LPCAT2: variants seen among roughly 807,000 people sequenced by gnomAD.
LPCAT2 encodes the protein lysophosphatidylcholine acyltransferase 2, also known as 1-AGP acyltransferase 11.
Under a neutral mutation model 64.7 loss-of-function variants are expected in LPCAT2, and 58 were observed. That is an observed-to-expected ratio of 0.90 (90% CI 0.73 to 1.12). LPCAT2 has a LOEUF of 1.12. LPCAT2 is among the 50% of genes most tolerant of loss of function. The pLI is 0.00. For synonymous variants in LPCAT2, 252 were observed against 245.3 expected (o/e 1.03, Z -0.26); for missense variants, 579 against 669.8 (o/e 0.86, Z 1.50).
chr16:55,577,803 G>A (rs1386444612), intron 12 of LPCAT2, among the ~76,000 whole-genome samples: 3 of 151,792 alleles, frequency 2.0e-5, no homozygotes, highest in Non-Finnish European at 2.9e-5. Context: ...ATACTACCCC[G>A]ATTATCTCTT....
chr16:55,541,621 T>G (rs1963397601), intron 8 of LPCAT2: 1 of 214,408 alleles, frequency 4.7e-6, no homozygotes, highest in Non-Finnish European at 9.5e-6. Context: ...AATAGAGAAA[T>G]AAAAAGGGTA....
rs1963937303 is a variant in LPCAT2 at position 55,585,701 on chromosome 16, T to C, written c.*2603T>C. 6.6e-6 allele frequency: 1 copy of C among 152,198 alleles called. No individual in the cohort carries two copies. The highest frequency in any genetic ancestry group is 2.4e-5 in the African/African-American group (1 of 41,464). The allele number at this position is 152,198 out of a possible 1,614,324, so 9.4% of individuals were successfully genotyped here. On this transcript the variant is annotated 3_prime_UTR_variant, in exon 14 of 14. Coordinates refer to ENST00000262134, the MANE Select transcript of LPCAT2 (RefSeq NM_017839.5). ...TGCATTTTGTATGTTTAGCCCTCCT[T>C]TGCCACTGCTTTTAGAGCCTTGGAA...
chr16:55,561,759 G>A (rs1320385340), intron 11 of LPCAT2, among the ~76,000 whole-genome samples: 1 of 152,006 alleles, frequency 6.6e-6, no homozygotes, highest in African/African-American at 2.4e-5. Context: ...GGCCCCTTGT[G>A]ATTCCCTAAA....
At chr16:55,567,513 T>G in intron 11 of LPCAT2, 1 of 1,608,572 alleles carries the variant, frequency 6.2e-7, no homozygotes, top group Non-Finnish European at 8.5e-7. Context: ...AAGTGGGAAC[T>G]GAGAAGTCAA....
intron 11 of LPCAT2, among the ~76,000 whole-genome samples, chr16:55,554,999 T>C (rs1005334896): frequency 4.6e-5 from 7 of 152,128 alleles, no homozygotes; most frequent in East Asian, 1.9e-4. Context: ...AAAACAATTA[T>C]AATAGTAGCA....
At chr16:55,537,741 C>G (rs1425174713) in intron 8 of LPCAT2, 109 bp downstream of exon 8, 2 of 865,072 alleles carry the variant, frequency 2.3e-6, no homozygotes, top group Middle Eastern at 2.3e-4. Flanking sequence ...AGGTGTTTTA[C>G]AAATTGTGTA....
chr16:55,562,233 A>T (rs1357953825), intron 11 of LPCAT2, among the ~76,000 whole-genome samples: 1 of 151,776 alleles, frequency 6.6e-6, no homozygotes, highest in African/African-American at 2.4e-5. Flanking sequence ...AATACCTCAT[A>T]TCCTTTAGCT....
intron 2 of LPCAT2, 49 bp from the exon 3 acceptor site, chr16:55,528,328 G>T: frequency 6.9e-7 from 1 of 1,447,336 alleles, no homozygotes; most frequent in Non-Finnish European, 9.6e-7. Context: ...AAACCCTGCT[G>T]CTAGCTTTAA....
intron 1 of LPCAT2, among the ~76,000 whole-genome samples, chr16:55,523,529 A>G (rs1318700349): frequency 2.0e-5 from 3 of 151,810 alleles, no homozygotes; most frequent in African/African-American, 7.2e-5. Context: ...TAATAGGCCA[A>G]ATGCCCATGA....
chr16:55,526,426 A>G (rs887558075), intron 2 of LPCAT2, among the ~76,000 whole-genome samples: 1 of 152,214 alleles, frequency 6.6e-6, no homozygotes, highest in Non-Finnish European at 1.5e-5. Flanking sequence ...AATTGTTGCC[A>G]AATTTTTATA....
intron 11 of LPCAT2, among the ~76,000 whole-genome samples, chr16:55,556,714 C>T (rs1963580698): frequency 6.6e-6 from 1 of 152,132 alleles, no homozygotes; most frequent in Admixed American, 6.5e-5. Flanking sequence ...CGCCACTGCA[C>T]TCCAGCCTGG....
At chr16:55,523,020 C>G (rs1963119501) in intron 1 of LPCAT2, among the ~76,000 whole-genome samples, 1 of 151,500 alleles carries the variant, frequency 6.6e-6, no homozygotes, top group African/African-American at 2.4e-5. Context: ...GAGAAAGCCA[C>G]AGAATGAGAG....
At position 55,521,975 on chromosome 16, in the gene LPCAT2, G is replaced by T. The variant is rs2397721; in HGVS notation, c.172-3533G>T. Among the ~76,000 whole-genome samples the T allele has an allele frequency of 2.8e-3, 417 of 151,460 alleles. 10 individuals are homozygous for T. The South Asian group carries it at 0.05, about 18-fold the overall frequency. On this transcript the variant is annotated intron_variant, in intron 1 of 13. Coordinates refer to ENST00000262134, the MANE Select transcript of LPCAT2 (RefSeq NM_017839.5). ...GTTCACCACTTCTGTTCAACATTAC[G>T]CTAGGGATCCTAGCCAGTGCAATAA...
chr16:55,521,123 G>C (rs1120208), intron 1 of LPCAT2, among the ~76,000 whole-genome samples: 72,417 of 151,320 alleles, frequency 0.48, 17,991 homozygotes, highest in Non-Finnish European at 0.55. Context: ...AAGAAAACAA[G>C]AAAGAAAATG....
chr16:55,524,447 TA>T (rs1567392392), intron 1 of LPCAT2, among the ~76,000 whole-genome samples: 2 of 151,962 alleles, frequency 1.3e-5, no homozygotes, highest in African/African-American at 4.8e-5. Context: ...CTGGGAGTGG[TA>T]AATATGTTTT....
chr16:55,533,893 T>C (rs1963289754), intron 6 of LPCAT2, among the ~76,000 whole-genome samples: 1 of 152,180 alleles, frequency 6.6e-6, no homozygotes, highest in African/African-American at 2.4e-5. Context: ...AAAGCCAGGA[T>C]ATAATTATTA....
At chr16:55,565,694 G>C (rs368443810) in intron 11 of LPCAT2, among the ~76,000 whole-genome samples, 34 of 152,126 alleles carry the variant, frequency 2.2e-4, no homozygotes, top group East Asian at 1.4e-3. Context: ...TACCAGGGGT[G>C]GGGGAAGGGG....
chr16:55,515,744 A>G (rs1179721076), intron 1 of LPCAT2, among the ~76,000 whole-genome samples: 3 of 152,242 alleles, frequency 2.0e-5, no homozygotes, highest in Non-Finnish European at 2.9e-5. Flanking sequence ...AATGGATCAC[A>G]GTTTTTGTAT....
intron 1 of LPCAT2, among the ~76,000 whole-genome samples, chr16:55,515,253 C>G (rs1962994271): frequency 6.6e-6 from 1 of 151,256 alleles, no homozygotes; most frequent in African/African-American, 2.4e-5. Flanking sequence ...TATATAGTTA[C>G]ATTATGTACA....
Sources: gnomAD v4.1 joint callset for allele counts (sites outside exome capture counted in the v4.1 genomes callset) on GRCh38, gnomAD v4.1.1 for gene constraint, MANE v1.5 for transcripts, NCBI Gene and HGNC (gene_info 2026-07-23, HGNC 2026-07-21) for gene names.